Variants in ZNF280C observed in about 807,000 individuals in gnomAD.
The protein encoded by ZNF280C is suppressor of hairy wing homolog 3.
ZNF280C carries 14 observed loss-of-function variants against 53.6 expected under a neutral mutation model. That is an observed-to-expected ratio of 0.26 (90% CI 0.17 to 0.41). ZNF280C has a LOEUF of 0.41. ZNF280C is among the 10% of genes least tolerant of loss of function. The pLI is 1.00. For synonymous variants in ZNF280C, 203 were observed against 181.1 expected (o/e 1.12, Z -0.97); for missense variants, 416 against 547.1 (o/e 0.76, Z 2.39).
In ZNF280C at chrX:130,203,175, T is replaced by C. The variant is rs2031932417; in HGVS notation, c.*1802A>G. The C allele has an allele frequency of 9.0e-6, 1 of 111,264 alleles. No homozygotes were observed. Among genetic ancestry groups the C allele is most frequent in the African/African-American group, 3.3e-5 (1 of 30,632 alleles). The allele number at this position is 111,264 out of a possible 1,213,427, so 9.2% of individuals were successfully genotyped here. A position where few individuals can be genotyped will look rare whatever the true frequency, so the allele number is the denominator to read the frequency against. On this transcript the variant is annotated 3_prime_UTR_variant, in exon 19 of 19. Transcript: ENST00000370978. ...GAAATCTGTAGACAATTCTAAGAAA[T>C]GTCTTGGAGTTTGTAATAAGAACAA...
chrX:130,250,177 A>AC (rs2032492443), intron 2 of ZNF280C, among the ~76,000 whole-genome samples: 1 of 111,810 alleles, frequency 8.9e-6, no homozygotes, highest in African/African-American at 3.2e-5. Context: ...CTAAACACCC[A>AC]CATCAAAAAG....
intron 5 of ZNF280C, among the ~76,000 whole-genome samples, chrX:130,241,656 T>C (rs764695217): frequency 9.0e-6 from 1 of 111,570 alleles, no homozygotes; most frequent in South Asian, 3.8e-4. Flanking sequence ...TCCCAGCTAC[T>C]TAGGAGGCTA....
intron 1 of ZNF280C, among the ~76,000 whole-genome samples, chrX:130,263,628 C>T (rs143202760): frequency 2.7e-5 from 3 of 111,823 alleles, no homozygotes; most frequent in African/African-American, 9.7e-5. Flanking sequence ...CTAAAATTAA[C>T]TGTGGTGCTA....
Position 130,215,280 on chromosome X carries a change from A to T in ZNF280C, c.1892T>A (p.Phe631Tyr), listed in dbSNP as rs757145782. 1.7e-6 allele frequency: 2 copies of T among 1,204,396 alleles called. No homozygotes were observed. Among genetic ancestry groups the T allele is most frequent in the South Asian group, 3.6e-5 (2 of 55,694 alleles). ...CIECHSKIKD[F>Y]ASHFSIYIHC... ...GATGTATATAGAAAAGTGGCTTGCA[A>T]AATCTTTTATTTTGGAATGACATTC... Residue 631 changes from phenylalanine (F) to tyrosine (Y), a missense_variant, in exon 15 of 19, where the codon TTT becomes TAT. Coordinates refer to ENST00000370978, the MANE Select transcript of ZNF280C (RefSeq NM_017666.5).
intron 1 of ZNF280C, among the ~76,000 whole-genome samples, chrX:130,265,444 T>C (rs1284979347): frequency 8.9e-6 from 1 of 112,608 alleles, no homozygotes; most frequent in African/African-American, 3.2e-5. Flanking sequence ...TACTGGCCTT[T>C]TGAAGCCAAT....
At chrX:130,248,117 T>C (rs1318575388) in intron 2 of ZNF280C, among the ~76,000 whole-genome samples, 1 of 96,029 alleles carries the variant, frequency 1.0e-5, no homozygotes, top group African/African-American at 3.9e-5. Context: ...CCAGGCAGGA[T>C]GGCAAACTAG....
intron 8 of ZNF280C, among the ~76,000 whole-genome samples, chrX:130,235,851 C>A (rs73225601): frequency 0.024 from 2,702 of 111,927 alleles, 35 homozygotes; most frequent in Non-Finnish European, 0.04. Context: ...CCCCTCCACA[C>A]ATACCCTTCC....
chrX:130,260,252 A>AGC (rs1158245608), intron 2 of ZNF280C, among the ~76,000 whole-genome samples, 167 bp downstream of exon 2: 2 of 111,551 alleles, frequency 1.8e-5, no homozygotes, highest in Non-Finnish European at 3.8e-5. Context: ...ACTGCACTCC[A>AGC]GCCTGGGCGA....
intron 3 of ZNF280C, among the ~76,000 whole-genome samples, chrX:130,244,798 AAAG>A (rs202107673): frequency 0.31 from 23,132 of 75,400 alleles, 4,359 homozygotes; most frequent in African/African-American, 0.51. Context: ...AAAAAAAAAA[AAAG>A]AGAGAAAAGA....
chrX:130,224,312 C>T (rs146342759), intron 12 of ZNF280C, among the ~76,000 whole-genome samples: 103 of 111,588 alleles, frequency 9.2e-4, no homozygotes, highest in African/African-American at 3.1e-3. Context: ...ACCACTGGTG[C>T]CCTGATCTTG....
intron 8 of ZNF280C, among the ~76,000 whole-genome samples, chrX:130,232,525 T>C (rs920234519): frequency 9.0e-6 from 1 of 110,715 alleles, no homozygotes; most frequent in Admixed American, 9.7e-5. Context: ...AATTTAAAAA[T>C]GGGCACAAGG....
chrX:130,239,841 C>T (rs1341266193), intron 5 of ZNF280C, 148 bp from the exon 6 acceptor site: 3 of 350,821 alleles, frequency 8.6e-6, no homozygotes, highest in Non-Finnish European at 1.5e-5. Context: ...AAATTAGCAT[C>T]TACTGGGTGA....
intron 16 of ZNF280C, among the ~76,000 whole-genome samples, chrX:130,208,063 T>C: frequency 8.9e-6 from 1 of 112,456 alleles, no homozygotes; most frequent in Non-Finnish European, 1.9e-5. Flanking sequence ...GAATATTTCA[T>C]TTTAACAAAA....
intron 8 of ZNF280C, among the ~76,000 whole-genome samples, chrX:130,234,518 T>G (rs182763980): frequency 2.9e-3 from 328 of 112,552 alleles, no homozygotes; most frequent in Admixed American, 5.8e-3. Flanking sequence ...GTATTTGCAA[T>G]TTTAGAATTC....
chrX:130,212,231 A>C (rs765176941), intron 15 of ZNF280C, among the ~76,000 whole-genome samples: 1 of 112,039 alleles, frequency 8.9e-6, no homozygotes, highest in Non-Finnish European at 1.9e-5. Flanking sequence ...TATTGAAGTA[A>C]AAGTGGTTTG....
intron 16 of ZNF280C, among the ~76,000 whole-genome samples, chrX:130,207,373 T>C (rs1338481031): frequency 9.0e-6 from 1 of 111,683 alleles, no homozygotes; most frequent in East Asian, 2.8e-4. Flanking sequence ...TCTTTTTTTA[T>C]TTTTGGAATG....
chrX:130,253,594 A>G (rs2032536182), intron 2 of ZNF280C, among the ~76,000 whole-genome samples: 1 of 111,915 alleles, frequency 8.9e-6, no homozygotes, highest in Admixed American at 9.5e-5. Flanking sequence ...TAGAGAGCCC[A>G]GAAATAAGGC....
chrX:130,233,467 T>C (rs1214384431), intron 8 of ZNF280C, among the ~76,000 whole-genome samples: 3 of 108,717 alleles, frequency 2.8e-5, no homozygotes, highest in Non-Finnish European at 3.8e-5. Context: ...AAATACGAAA[T>C]TAGCTGGGTG....
At chrX:130,267,759 G>C (rs1235827759) in intron 1 of ZNF280C, among the ~76,000 whole-genome samples, 1 of 111,812 alleles carries the variant, frequency 8.9e-6, no homozygotes, top group Non-Finnish European at 1.9e-5. Context: ...ATACTAAGAG[G>C]AGACTTTTGC....
Sources: allele counts gnomAD v4.1 joint callset (sites outside exome capture counted in the v4.1 genomes callset), GRCh38; gene constraint gnomAD v4.1.1; transcripts MANE v1.5; gene names NCBI Gene and HGNC (gene_info 2026-07-23, HGNC 2026-07-21).